DGKG: variants seen among roughly 807,000 people sequenced by gnomAD.
DGKG encodes diacylglycerol kinase gamma, also known as DAG kinase gamma.
Under a neutral mutation model 105.3 loss-of-function variants are expected in DGKG, and 78 were observed. The observed-to-expected ratio is 0.74, with a 90% CI of 0.62 to 0.89. The LOEUF is 0.89. DGKG is among the 40% of genes least tolerant of loss of function. DGKG has a pLI of 0.00. For missense variants in DGKG, 958 were observed against 1,020.1 expected (o/e 0.94, Z 0.83); for synonymous variants, 346 against 367.1 (o/e 0.94, Z 0.66).
intron 3 of DGKG, among the ~76,000 whole-genome samples, chr3:186,301,147 C>T (rs2108617840): frequency 6.6e-6 from 1 of 152,324 alleles, no homozygotes; most frequent in Middle Eastern, 3.4e-3. Context: ...TCCATTGTCC[C>T]TGCTGCCATC....
chr3:186,320,216 A>G (rs146790935), intron 2 of DGKG, among the ~76,000 whole-genome samples, 177 bp downstream of exon 2: 51 of 152,302 alleles, frequency 3.3e-4, no homozygotes, highest in African/African-American at 1.2e-3. Context: ...ACTGAGCTTA[A>G]AGATAATTGC....
intron 17 of DGKG, among the ~76,000 whole-genome samples, chr3:186,255,434 G>A (rs773381344): frequency 2.6e-5 from 4 of 152,250 alleles, no homozygotes; most frequent in Admixed American, 2.0e-4. Context: ...GGGTGTGTCA[G>A]GGGAGGCTCC....
At chr3:186,194,989 C>T (rs1385597573) in intron 21 of DGKG, among the ~76,000 whole-genome samples, 1 of 152,036 alleles carries the variant, frequency 6.6e-6, no homozygotes, top group Non-Finnish European at 1.5e-5. Flanking sequence ...CCTGTAATCT[C>T]AGCTACTCTG....
At chr3:186,208,754 GCCC>G (rs1718873416) in intron 21 of DGKG, among the ~76,000 whole-genome samples, 1 of 152,198 alleles carries the variant, frequency 6.6e-6, no homozygotes, top group East Asian at 1.9e-4. Flanking sequence ...CAGCACACCT[GCCC>G]AGCTGCATGA....
chr3:186,343,961 T>G (rs1399395195), intron 1 of DGKG, among the ~76,000 whole-genome samples: 1 of 152,214 alleles, frequency 6.6e-6, no homozygotes, highest in Non-Finnish European at 1.5e-5. Context: ...TAGACATAAT[T>G]TATTGACAGT....
At chr3:186,174,652 CTGTGTGTGTGTGTGTG>C (rs67342971) in intron 22 of DGKG, among the ~76,000 whole-genome samples, 23,639 of 145,842 alleles carry the variant, frequency 0.16, 2,504 homozygotes, top group Middle Eastern at 0.31. Flanking sequence ...TTCCCTGCGG[CTGTGTGTGTGTGTGTG>C]TGTGTGTGTG....
intron 2 of DGKG, chr3:186,313,427 G>A: frequency 1.1e-6 from 1 of 872,192 alleles, no homozygotes; most frequent in Non-Finnish European, 1.4e-6. Context: ...TCACTGGTAT[G>A]ACTTATTTGT....
chr3:186,167,459 C>A (rs750671400), intron 22 of DGKG, among the ~76,000 whole-genome samples: 1 of 152,178 alleles, frequency 6.6e-6, no homozygotes, highest in Non-Finnish European at 1.5e-5. Context: ...TTTTTAGGAA[C>A]GCATTTTGGG....
intron 5 of DGKG, among the ~76,000 whole-genome samples, chr3:186,294,823 G>A (rs944223724): frequency 1.3e-5 from 2 of 152,152 alleles, no homozygotes; most frequent in African/African-American, 4.8e-5. Flanking sequence ...GACTAGCATG[G>A]CTGAGTGGCG....
chr3:186,267,359 T>C (rs1253367882), intron 13 of DGKG, among the ~76,000 whole-genome samples: 1 of 152,144 alleles, frequency 6.6e-6, no homozygotes, highest in Non-Finnish European at 1.5e-5. Context: ...ATCTGATCTG[T>C]GCAGCGCTGA....
At chr3:186,202,602 T>C (rs1718526321) in intron 21 of DGKG, among the ~76,000 whole-genome samples, 1 of 152,246 alleles carries the variant, frequency 6.6e-6, no homozygotes, top group African/African-American at 2.4e-5. Context: ...ACTTAAAAGA[T>C]GCATTTGTTT....
At chr3:186,264,735 C>T (rs554097429) in intron 14 of DGKG, among the ~76,000 whole-genome samples, 37 of 152,268 alleles carry the variant, frequency 2.4e-4, no homozygotes, top group Admixed American at 6.5e-4. Context: ...CTCTTTGTTC[C>T]TCACCAGGCT....
In DGKG at chr3:186,284,510, A is replaced by G; in HGVS notation, c.594+150T>C. On this transcript the variant is annotated intron_variant, in intron 7 of 24. Transcript: ENST00000265022. This position sits in a 1 kb window ranked among gnomAD's most constrained non-coding sequence, Gnocchi z 4.0. ...CCGGCCCTTTGGAAATAGCGGGTGG[A>G]GAGGTCCTAGTCGGATTTCCTCAGC... The G allele has an allele frequency of 2.8e-6, 2 of 704,640 alleles. No individual in the cohort carries two copies. Among genetic ancestry groups the G allele is most frequent in the Non-Finnish European group, 5.0e-6 (2 of 396,596 alleles). The allele number at this position is 704,640 out of a possible 1,614,324, so 43.6% of individuals were successfully genotyped here.
rs188517408 is a variant in DGKG at position 186,290,808 on chromosome 3, A to T, written c.374-1928T>A. Reference sequence around the variant, plus strand: ...TAGAAGGTCCCCTTTGAGTAACAGCAGAGAGTTCCCTTCAATTATTCAGCT... The same window carrying T: ...TAGAAGGTCCCCTTTGAGTAACAGCTGAGAGTTCCCTTCAATTATTCAGCT... On this transcript the variant is annotated intron_variant, in intron 5 of 24. Transcript: ENST00000265022. Among the ~76,000 whole-genome samples, 3 of 152,322 alleles carry T rather than the reference A, an allele frequency of 2.0e-5. No homozygotes were observed. In the East Asian group the frequency reaches 5.8e-4, roughly 29 times the overall value.
chr3:186,331,687 T>C (rs977516572), intron 1 of DGKG, among the ~76,000 whole-genome samples: 18 of 152,104 alleles, frequency 1.2e-4, no homozygotes, highest in Non-Finnish European at 1.9e-4. Flanking sequence ...ACTGCTACTT[T>C]GGGGGTCTGT....
At position 186,260,471 on chromosome 3, in the gene DGKG, A is replaced by C. The variant is rs535108369; in HGVS notation, c.1392T>G (p.Val464=). The change falls in exon 16 of 25, where the codon GTT becomes GTG. Residue 464 remains valine (V), a synonymous_variant. Coordinates refer to ENST00000265022, the MANE Select transcript of DGKG (RefSeq NM_001346.3). The part of the protein sequence containing the change: ...KFHYLLNPKQ[V]FNLDNGGPTP... ...TAGGCCCCCCATTGTCCAGGTTGAA[A>C]ACTTGTTTGGGGTTGAGCAGATAGT... is the stretch of plus-strand genomic sequence containing the variant. 6.2e-7 allele frequency: 1 copy of C among 1,613,798 alleles called. No homozygotes were observed. The highest frequency in any genetic ancestry group is 1.7e-5 in the Admixed American group (1 of 60,010).
At chr3:186,230,372 A>G (rs1720093375) in intron 20 of DGKG, among the ~76,000 whole-genome samples, 1 of 152,222 alleles carries the variant, frequency 6.6e-6, no homozygotes, top group Non-Finnish European at 1.5e-5. Flanking sequence ...CGTTCAGAAT[A>G]TTCTGTGCTG....
At chr3:186,252,292 C>T (rs1289647447) in intron 18 of DGKG, among the ~76,000 whole-genome samples, 3 of 152,236 alleles carry the variant, frequency 2.0e-5, no homozygotes, top group Non-Finnish European at 4.4e-5. Context: ...TTTAAGATGG[C>T]CGCTAGGCCT....
chr3:186,249,329 C>T (rs564976816), intron 19 of DGKG, among the ~76,000 whole-genome samples: 56 of 152,266 alleles, frequency 3.7e-4, no homozygotes, highest in South Asian at 3.1e-3. Flanking sequence ...CCCTCTTCTG[C>T]TTTAGTAATA....
Sources: gnomAD v4.1 joint callset for allele counts (sites outside exome capture counted in the v4.1 genomes callset) on GRCh38, gnomAD v4.1.1 for gene constraint, Gnocchi (gnomAD v3.1) non-coding constraint, MANE v1.5 for transcripts, NCBI Gene and HGNC (gene_info 2026-07-23, HGNC 2026-07-21) for gene names.